The following OCA2 variants were observed in gnomAD, a reference collection of about 807,000 sequenced individuals.
The protein encoded by OCA2 is OCA2 melanosomal transmembrane protein.
Under a neutral mutation model 100.2 loss-of-function variants are expected in OCA2, and 77 were observed. The ratio of observed to expected loss-of-function variants is 0.77; its 90% CI spans 0.64 to 0.93. OCA2 has a LOEUF of 0.93. Among genes scored for constraint, OCA2 ranks in the 40% least tolerant of loss-of-function variants. The probability of loss-of-function intolerance (pLI) is 0.00; values close to 1 mark genes in which losing one functional copy is unlikely to be tolerated. For missense variants in OCA2, 1,062 were observed against 1,089.1 expected (o/e 0.98, Z 0.35); for synonymous variants, 432 against 439.2 (o/e 0.98, Z 0.21).
intron 2 of OCA2, among the ~76,000 whole-genome samples, chr15:28,074,534 C>T (rs1475212322): frequency 1.3e-5 from 2 of 152,150 alleles, no homozygotes; most frequent in East Asian, 1.9e-4. Context: ...ATTAGCCAGG[C>T]GTGGTGGCGG....
At chr15:28,001,702 G>T (rs1174868454) in intron 9 of OCA2, among the ~76,000 whole-genome samples, 2 of 152,242 alleles carry the variant, frequency 1.3e-5, no homozygotes, top group Admixed American at 6.5e-5. Context: ...AGGAAGAGAT[G>T]AAGGCACCCA....
At chr15:27,920,007 A>G (rs149140431) in intron 19 of OCA2, among the ~76,000 whole-genome samples, 3 of 152,314 alleles carry the variant, frequency 2.0e-5, no homozygotes, top group Non-Finnish European at 2.9e-5. Context: ...GTTGTATGTG[A>G]TATCAGCAAA....
chr15:28,019,533 G>A (rs964125237), intron 6 of OCA2, among the ~76,000 whole-genome samples: 5 of 152,092 alleles, frequency 3.3e-5, no homozygotes, highest in East Asian at 1.9e-4. Context: ...TGGCTGCTGC[G>A]GGAGACACTG....
intron 14 of OCA2, among the ~76,000 whole-genome samples, chr15:27,981,326 C>T (rs1446421778): frequency 6.6e-6 from 1 of 152,190 alleles, no homozygotes; most frequent in Non-Finnish European, 1.5e-5. Context: ...TTTGTATCAT[C>T]GCTGTCATAG....
intron 2 of OCA2, among the ~76,000 whole-genome samples, chr15:28,052,551 G>T (rs1232801341): frequency 6.6e-6 from 1 of 152,140 alleles, no homozygotes; most frequent in African/African-American, 2.4e-5. Flanking sequence ...GTTAAAAAGG[G>T]AAATCAGTAG....
intron 23 of OCA2, among the ~76,000 whole-genome samples, chr15:27,770,516 G>A (rs1039753009): frequency 3.8e-5 from 2 of 53,152 alleles, no homozygotes; most frequent in African/African-American, 1.4e-4. Flanking sequence ...CTCCCCGCAG[G>A]CCGCCGGGCT....
the OCA2 span, among the ~76,000 whole-genome samples, chr15:27,727,113 C>T: frequency 6.6e-6 from 1 of 152,248 alleles, no homozygotes; most frequent in Admixed American, 6.5e-5. Flanking sequence ...AAGCTTCTAA[C>T]TCTAGGGAAA....
rs1566823840 is a variant in OCA2 at position 28,034,029 on chromosome 15, GT to G, written c.228-1867del. ...AAAGAAAACAAGGCCAAGCATGGTGGTTCCAACCTGTAGTCCCAGCAAGGTG... is the reference window on the plus strand; with the variant it reads ...AAAGAAAACAAGGCCAAGCATGGTGGTCCAACCTGTAGTCCCAGCAAGGTG... On this transcript the variant is annotated intron_variant, in intron 2 of 23. Transcript: ENST00000354638. 2.0e-5 allele frequency among the ~76,000 whole-genome samples: 3 copies of G among 152,308 alleles called. No homozygotes were observed. In the East Asian group the frequency reaches 5.8e-4, roughly 29 times the overall value.
At chr15:27,780,727 C>T (rs1270461461) in intron 23 of OCA2, among the ~76,000 whole-genome samples, 1 of 152,162 alleles carries the variant, frequency 6.6e-6, no homozygotes. Flanking sequence ...CCTGGAAACC[C>T]TTTTGCTTGA....
At position 28,004,770 on chromosome 15, in the gene OCA2, C is replaced by T. The variant is rs368235957; in HGVS notation, c.1044+10006G>A. Among the ~76,000 whole-genome samples, 73 of 150,034 alleles carry T rather than the reference C, an allele frequency of 4.9e-4. No individual in the cohort carries two copies. The East Asian group carries it at 0.01, about 21-fold the overall frequency. On this transcript the variant is annotated intron_variant, in intron 9 of 23. Transcript: ENST00000354638. ...ACACACAGACACATGGTCTCACACA[C>T]ACACCCTCGCTGTGACTCACACACA...
At chr15:27,807,253 T>C (rs2033895050) in intron 23 of OCA2, among the ~76,000 whole-genome samples, 1 of 152,100 alleles carries the variant, frequency 6.6e-6, no homozygotes, top group Non-Finnish European at 1.5e-5. Flanking sequence ...ACTCAAGCCA[T>C]AGGGTCTTTC....
intron 21 of OCA2, among the ~76,000 whole-genome samples, chr15:27,870,813 AG>A (rs1270837800): frequency 6.9e-6 from 1 of 145,966 alleles, no homozygotes; most frequent in African/African-American, 2.8e-5. Context: ...AGAAAGAAAG[AG>A]AGAGAGAAAG....
chr15:27,938,768 A>G (rs1311851898), intron 18 of OCA2, among the ~76,000 whole-genome samples: 2 of 152,216 alleles, frequency 1.3e-5, no homozygotes, highest in African/African-American at 4.8e-5. Context: ...AGAGAAAGAC[A>G]GTGGCAGGCT....
chr15:28,025,338 G>A (rs2042717179), intron 4 of OCA2, among the ~76,000 whole-genome samples: 1 of 152,148 alleles, frequency 6.6e-6, no homozygotes, highest in African/African-American at 2.4e-5. Context: ...AATAACTTAA[G>A]AAAGAAATTG....
intron 2 of OCA2, among the ~76,000 whole-genome samples, chr15:28,045,018 A>G (rs2043308140): frequency 2.0e-5 from 3 of 152,300 alleles, no homozygotes; most frequent in Admixed American, 1.3e-4. Context: ...AATCGAGATA[A>G]TAAGTCCATT....
chr15:27,849,581 C>A (rs1284743972), intron 22 of OCA2, among the ~76,000 whole-genome samples: 2 of 151,924 alleles, frequency 1.3e-5, no homozygotes, highest in Admixed American at 1.3e-4. Context: ...AGTGAATCAC[C>A]TCCAATTTAT....
At chr15:27,750,266 T>C (rs1227009380), downstream of OCA2, among the ~76,000 whole-genome samples, 1 of 152,150 alleles carries the variant, frequency 6.6e-6, no homozygotes, top group African/African-American at 2.4e-5. Flanking sequence ...AATTAACCTG[T>C]ATATTGAAAA....
rs149989219 is a variant in OCA2 at position 27,870,810 on chromosome 15, A to AAG, written c.2244+342_2244+343dup. Among the ~76,000 whole-genome samples, 7,027 of 88,176 alleles carry AAG rather than the reference A, an allele frequency of 0.08. 346 individuals are homozygous for AAG. The highest frequency in any genetic ancestry group is 0.42 in the South Asian group (1,102 of 2,604). The allele number at this position is 88,176 out of a possible 152,430, so 57.8% of individuals were successfully genotyped here. On this transcript the variant is annotated intron_variant, in intron 21 of 23. Coordinates refer to ENST00000354638, the MANE Select transcript of OCA2 (RefSeq NM_000275.3). ...AGAAAAAGAAAGAAAGAAAGAAAGA[A>AAG]AGAGAGAGAGAAAGAAAGAAAGAGA...
chr15:27,735,745 C>CA, the OCA2 span, among the ~76,000 whole-genome samples: 12 of 151,338 alleles, frequency 7.9e-5, no homozygotes, highest in African/African-American at 4.9e-5. Context: ...AACAAAAAAA[C>CA]AAAAAAACAA....
Sources: allele counts gnomAD v4.1 joint callset (sites outside exome capture counted in the v4.1 genomes callset), GRCh38; gene constraint gnomAD v4.1.1; transcripts MANE v1.5; gene names NCBI Gene and HGNC (gene_info 2026-07-23, HGNC 2026-07-21).